FBXL7: variants seen among roughly 807,000 people sequenced by gnomAD.
The protein encoded by FBXL7 is F-box and leucine rich repeat protein 7.
A neutral mutation model predicts 38.3 loss-of-function variants in FBXL7; 12 were observed. The ratio of observed to expected loss-of-function variants is 0.31; its 90% CI spans 0.20 to 0.51. The LOEUF is 0.51. Among genes scored for constraint, FBXL7 ranks in the 20% least tolerant of loss-of-function variants. The pLI is 0.98. For synonymous variants in FBXL7, 297 were observed against 300.9 expected (o/e 0.99, Z 0.13); for missense variants, 567 against 676.4 (o/e 0.84, Z 1.79).
At chr5:15,840,593 A>G (rs759829557) in intron 2 of FBXL7, among the ~76,000 whole-genome samples, 1 of 152,154 alleles carries the variant, frequency 6.6e-6, no homozygotes, top group Non-Finnish European at 1.5e-5. Flanking sequence ...AGTGGCCTGT[A>G]ATCCCAGCAC....
rs74916336 is a variant in FBXL7, at chr5:15,582,891, G to A, written c.38-33092G>A. On this transcript the variant is annotated intron_variant, in intron 1 of 3. Coordinates refer to ENST00000504595, the MANE Select transcript of FBXL7 (RefSeq NM_012304.5). ...TTTTATATTAATCATTATCATCATCGAGACAGAATATTGGTGACTCACCTA... is the reference window on the plus strand; with the variant it reads ...TTTTATATTAATCATTATCATCATCAAGACAGAATATTGGTGACTCACCTA... 6.4e-3 allele frequency among the ~76,000 whole-genome samples: 958 copies of A among 149,748 alleles called. 3 individuals are homozygous for A. Among genetic ancestry groups the A allele is most frequent in the Middle Eastern group, 0.014 (4 of 282 alleles).
intron 1 of FBXL7, among the ~76,000 whole-genome samples, chr5:15,563,501 C>T (rs1738476078): frequency 6.6e-6 from 1 of 152,110 alleles, no homozygotes; most frequent in Non-Finnish European, 1.5e-5. Context: ...TAGAGGAACA[C>T]TGGAGGTAGA....
rs1237861252 is a variant in FBXL7, at chr5:15,501,054, A to AC, written c.37+342dup. Among the ~76,000 whole-genome samples the AC allele has an allele frequency of 1.1e-4, 17 of 152,182 alleles. No homozygotes were observed. In the East Asian group the frequency reaches 2.3e-3, roughly 21 times the overall value. The stretch of plus-strand genomic sequence containing the variant: ...ATGATGGTTTGGCAGATGGCGGAAG[A>AC]CGTTTTTGAAAAATAACTCAGTGAA... On this transcript the variant is annotated intron_variant, in intron 1 of 3. Transcript: ENST00000504595.
chr5:15,548,041 A>C (rs113798619), intron 1 of FBXL7, among the ~76,000 whole-genome samples: 7 of 152,210 alleles, frequency 4.6e-5, no homozygotes, highest in Non-Finnish European at 5.9e-5. Flanking sequence ...CTCCACTGGC[A>C]TTCTAATTTC....
At chr5:15,621,503 G>C (rs1161648221) in intron 2 of FBXL7, among the ~76,000 whole-genome samples, 3 of 152,174 alleles carry the variant, frequency 2.0e-5, no homozygotes, top group Non-Finnish European at 2.9e-5. Context: ...TCCAGCCCAT[G>C]GTTGGAATAG....
chr5:15,551,582 C>T (rs1271748755), intron 1 of FBXL7, among the ~76,000 whole-genome samples: 2 of 152,176 alleles, frequency 1.3e-5, no homozygotes, highest in East Asian at 3.8e-4. Flanking sequence ...ATGGACACTC[C>T]TGGTTGGGAC....
At chr5:15,902,939 G>A (rs1741265492) in intron 2 of FBXL7, among the ~76,000 whole-genome samples, 1 of 152,220 alleles carries the variant, frequency 6.6e-6, no homozygotes, top group Non-Finnish European at 1.5e-5. Context: ...AAGCCCCGTG[G>A]GACTGACTAG....
rs1311785339 is a variant in FBXL7 at position 15,880,782 on chromosome 5, CAAGGA to C, written c.128-47104_128-47100del. On this transcript the variant is annotated intron_variant, in intron 2 of 3. Transcript: ENST00000504595. ...TAAAATAAATTCAATTCCTGTAAGC[CAAGGA>C]AAGTTGTAATTTTTATTCAATAGCA... Among the ~76,000 whole-genome samples the C allele has an allele frequency of 1.8e-4, 26 of 146,726 alleles. 1 individual carries two copies. The Admixed American group carries it at 1.8e-3, about 10-fold the overall frequency.
At chr5:15,755,116 C>T (rs1736259275) in intron 2 of FBXL7, among the ~76,000 whole-genome samples, 1 of 152,170 alleles carries the variant, frequency 6.6e-6, no homozygotes, top group Non-Finnish European at 1.5e-5. Context: ...TCCAAAACCT[C>T]ATGCCCCTCA....
chr5:15,766,327 GGTAT>G (rs1335996878), intron 2 of FBXL7, among the ~76,000 whole-genome samples: 1 of 152,128 alleles, frequency 6.6e-6, no homozygotes, highest in African/African-American at 2.4e-5. Flanking sequence ...GTAGTGCTTT[GGTAT>G]CTCTGTCTTC....
intron 2 of FBXL7, among the ~76,000 whole-genome samples, chr5:15,679,553 T>G (rs1742776392): frequency 8.3e-6 from 1 of 120,864 alleles, no homozygotes; most frequent in Non-Finnish European, 1.7e-5. Context: ...ATAATATGCT[T>G]CATTGTTTTT....
At chr5:15,742,610 GA>G (rs1269312871) in intron 2 of FBXL7, among the ~76,000 whole-genome samples, 1 of 152,172 alleles carries the variant, frequency 6.6e-6, no homozygotes, top group Non-Finnish European at 1.5e-5. Flanking sequence ...AATTTGCATT[GA>G]ACATATTTGT....
At chr5:15,795,311 C>G (rs894960190) in intron 2 of FBXL7, among the ~76,000 whole-genome samples, 1 of 152,056 alleles carries the variant, frequency 6.6e-6, no homozygotes, top group African/African-American at 2.4e-5. Flanking sequence ...AGATGTTTTC[C>G]GTATATCATC....
At chr5:15,630,109 A>G (rs1323305492) in intron 2 of FBXL7, among the ~76,000 whole-genome samples, 3 of 152,156 alleles carry the variant, frequency 2.0e-5, no homozygotes, top group African/African-American at 7.2e-5. Context: ...AAACCAAAAG[A>G]CAGTTTATTG....
intron 2 of FBXL7, among the ~76,000 whole-genome samples, chr5:15,672,849 C>T (rs1742525408): frequency 6.6e-6 from 1 of 152,144 alleles, no homozygotes; most frequent in Non-Finnish European, 1.5e-5. Flanking sequence ...GCCACCACAC[C>T]CGGCCTGTAA....
At chr5:15,657,282 C>A (rs1741915111) in intron 2 of FBXL7, among the ~76,000 whole-genome samples, 1 of 151,882 alleles carries the variant, frequency 6.6e-6, no homozygotes, top group Admixed American at 6.6e-5. Context: ...AAAATGTTGC[C>A]CTACTTTAGT....
chr5:15,762,710 A>C (rs1307226274), intron 2 of FBXL7, among the ~76,000 whole-genome samples: 1 of 150,230 alleles, frequency 6.7e-6, no homozygotes, highest in African/African-American at 2.5e-5. Flanking sequence ...TGAGAGAATG[A>C]AATATTTTCA....
chr5:15,553,811 T>C (rs565356161), intron 1 of FBXL7, among the ~76,000 whole-genome samples: 1 of 152,278 alleles, frequency 6.6e-6, no homozygotes, highest in South Asian at 2.1e-4. Context: ...AGACGAAAAA[T>C]CTCTCAGTCA....
intron 2 of FBXL7, among the ~76,000 whole-genome samples, chr5:15,804,029 C>G (rs555722349): frequency 6.6e-6 from 1 of 152,338 alleles, no homozygotes; most frequent in Non-Finnish European, 1.5e-5. Flanking sequence ...AGGATTCTTA[C>G]AACCACATAC....
Sources: allele counts gnomAD v4.1 joint callset (sites outside exome capture counted in the v4.1 genomes callset), GRCh38; gene constraint gnomAD v4.1.1; transcripts MANE v1.5; gene names NCBI Gene and HGNC (gene_info 2026-07-23, HGNC 2026-07-21).